The following TFEC variants were observed in gnomAD, a reference collection of about 807,000 sequenced individuals.
TFEC encodes the protein transcription factor EC.
A neutral mutation model predicts 41.6 loss-of-function variants in TFEC; 31 were observed. That is an observed-to-expected ratio of 0.74 (90% confidence interval 0.56 to 1.01). The LOEUF is 1.01. Ranked by LOEUF, TFEC falls within the 50% of genes least tolerant of loss-of-function variation. The pLI is 0.00. For missense variants in TFEC, 402 were observed against 404.1 expected (o/e 0.99, Z 0.04); for synonymous variants, 143 against 140.6 (o/e 1.02, Z -0.12).
chr7:116,088,679 A>G (rs1012090834), intron 3 of TFEC, among the ~76,000 whole-genome samples: 8 of 152,014 alleles, frequency 5.3e-5, no homozygotes, highest in African/African-American at 1.7e-4. Flanking sequence ...CCATTTTTGT[A>G]CTTATGATTA....
At position 116,075,717 on chromosome 7, in the gene TFEC, AG is replaced by A. The variant is rs1400295418; in HGVS notation, c.198+34990del. On this transcript the variant is annotated intron_variant, in intron 3 of 8. Transcript: ENST00000484212. Reference sequence around the variant, plus strand: ...GGAACCACATCCTCATCCCCACAGCAGCAAGCCCCAACCAAGGAGAGTCTGA... The same window carrying A: ...GGAACCACATCCTCATCCCCACAGCACAAGCCCCAACCAAGGAGAGTCTGA... 3.9e-5 allele frequency among the ~76,000 whole-genome samples: 6 copies of A among 152,216 alleles called. No homozygotes were observed. The East Asian group carries it at 1.2e-3, about 30-fold the overall frequency.
intron 1 of TFEC, among the ~76,000 whole-genome samples, chr7:116,002,120 C>T (rs1181254159): frequency 2.0e-5 from 3 of 152,232 alleles, no homozygotes; most frequent in African/African-American, 7.2e-5. Flanking sequence ...AGTTTGGAGG[C>T]TTTTCAACCA....
intron 3 of TFEC, among the ~76,000 whole-genome samples, chr7:116,066,882 TAAAGTC>T (rs1010896060): frequency 6.6e-6 from 1 of 152,002 alleles, no homozygotes; most frequent in African/African-American, 2.4e-5. Context: ...TGTATCCTAT[TAAAGTC>T]AAAGTACAGT....
intron 1 of TFEC, among the ~76,000 whole-genome samples, chr7:116,159,141 T>C (rs1798925795): frequency 2.0e-5 from 3 of 152,040 alleles, no homozygotes; most frequent in Admixed American, 2.0e-4. Context: ...TTCAACATGA[T>C]ACAAGAAATA....
At chr7:115,970,330 CTA>C (rs1220592569) in intron 3 of TFEC, among the ~76,000 whole-genome samples, 1 of 151,880 alleles carries the variant, frequency 6.6e-6, no homozygotes, top group Non-Finnish European at 1.5e-5. Context: ...CTATTGATTG[CTA>C]TTGATTGGCT....
intron 1 of TFEC, among the ~76,000 whole-genome samples, chr7:116,119,896 AC>A (rs1400809667): frequency 6.6e-6 from 1 of 151,834 alleles, no homozygotes; most frequent in Non-Finnish European, 1.5e-5. Flanking sequence ...ATAGCTTGAT[AC>A]ATCCATATAA....
intron 6 of TFEC, among the ~76,000 whole-genome samples, chr7:115,949,722 C>T (rs573464601): frequency 2.2e-3 from 337 of 151,936 alleles, no homozygotes; most frequent in Non-Finnish European, 3.4e-3. Context: ...AAGACTTAAA[C>T]GTTAGACCTA....
intron 3 of TFEC, among the ~76,000 whole-genome samples, chr7:116,048,151 G>C (rs1584449806): frequency 6.6e-6 from 1 of 152,202 alleles, no homozygotes; most frequent in Non-Finnish European, 1.5e-5. Flanking sequence ...AGAGAAGAAG[G>C]CTTCAGACAA....
intron 3 of TFEC, among the ~76,000 whole-genome samples, chr7:116,064,795 T>C (rs983365856): frequency 3.3e-5 from 5 of 152,068 alleles, no homozygotes; most frequent in South Asian, 4.2e-4. Flanking sequence ...CCATGGAAAA[T>C]CAAGGAGTTC....
chr7:115,999,197 A>G (rs1794491118), intron 1 of TFEC, among the ~76,000 whole-genome samples: 2 of 152,056 alleles, frequency 1.3e-5, no homozygotes. Context: ...AATCTTGGAA[A>G]CTACACAAAC....
At chr7:116,056,572 A>T (rs1796435949) in intron 3 of TFEC, among the ~76,000 whole-genome samples, 2 of 152,130 alleles carry the variant, frequency 1.3e-5, no homozygotes, top group African/African-American at 4.8e-5. Flanking sequence ...AATTCATGGC[A>T]TTGGATAGAA....
chr7:116,012,035 C>T (rs1046211536), intron 1 of TFEC, among the ~76,000 whole-genome samples: 2 of 152,034 alleles, frequency 1.3e-5, no homozygotes, highest in African/African-American at 4.8e-5. Context: ...TTAGGTATTC[C>T]TTTATAGAAA....
chr7:116,149,341 C>T lies in TFEC; in HGVS notation c.-69+10449G>A, dbSNP rs77337943. ...TAAAAAGATATTAAAAACAAGTTTA[C>T]ACCAATAAATTTGAAAGCCCAAGTG... On this transcript the variant is annotated intron_variant, in intron 1 of 8. Transcript: ENST00000484212. Among the ~76,000 whole-genome samples the T allele has an allele frequency of 8.0e-3, 1,224 of 152,156 alleles. 20 individuals carry two copies. Among genetic ancestry groups the T allele is most frequent in the African/African-American group, 0.028 (1,144 of 41,538 alleles).
intron 3 of TFEC, among the ~76,000 whole-genome samples, chr7:116,036,155 C>A (rs1204772562): frequency 6.6e-6 from 1 of 151,946 alleles, no homozygotes; most frequent in Admixed American, 6.6e-5. Flanking sequence ...TGAAAATGTG[C>A]TTATTTTGGA....
chr7:116,032,893 T>G (rs911436097), upstream of TFEC, among the ~76,000 whole-genome samples: 2 of 152,254 alleles, frequency 1.3e-5, no homozygotes, highest in East Asian at 3.9e-4. Flanking sequence ...TAGTTTTCAT[T>G]TCAAAAATAG....
intron 3 of TFEC, among the ~76,000 whole-genome samples, chr7:116,098,739 T>C (rs747305514): frequency 2.6e-5 from 4 of 152,054 alleles, no homozygotes; most frequent in Non-Finnish European, 5.9e-5. Context: ...TTACACAGAA[T>C]CTCTTTCAGA....
chr7:115,995,636 G>A (rs1054216545), intron 1 of TFEC, among the ~76,000 whole-genome samples: 1 of 152,156 alleles, frequency 6.6e-6, no homozygotes, highest in Non-Finnish European at 1.5e-5. Flanking sequence ...AAAATCAGGT[G>A]AGCAATCACA....
chr7:116,060,539 TAAC>T (rs900290583), intron 3 of TFEC, among the ~76,000 whole-genome samples: 3 of 152,032 alleles, frequency 2.0e-5, no homozygotes, highest in South Asian at 2.1e-4. Flanking sequence ...CCCTATAAAA[TAAC>T]AACATCATGT....
chr7:116,062,617 T>C (rs1163969728), intron 3 of TFEC, among the ~76,000 whole-genome samples: 3 of 147,194 alleles, frequency 2.0e-5, no homozygotes, highest in Non-Finnish European at 4.5e-5. Context: ...TTTTTACTTG[T>C]TGATTGATGG....
Sources: allele counts gnomAD v4.1 joint callset (sites outside exome capture counted in the v4.1 genomes callset), GRCh38; gene constraint gnomAD v4.1.1; transcripts MANE v1.5; gene names NCBI Gene and HGNC (gene_info 2026-07-23, HGNC 2026-07-21).